VPS33B: variants seen among roughly 807,000 people sequenced by gnomAD.
VPS33B encodes VPS33B late endosome and lysosome associated, also known as vacuolar protein sorting-associated protein 33B.
In VPS33B, 80 loss-of-function variants were observed where a neutral mutation model predicts 95.3. That is an observed-to-expected ratio of 0.84 (90% CI 0.70 to 1.01). The LOEUF is 1.01. Ranked by LOEUF, VPS33B falls within the 50% of genes least tolerant of loss-of-function variation. VPS33B has a pLI of 0.00. For synonymous variants in VPS33B, 280 were observed against 280.4 expected (o/e 1.00, Z 0.01); for missense variants, 715 against 773.4 (o/e 0.92, Z 0.90).
At chr15:91,017,445 AAAAT>A (rs1258144124) in intron 2 of VPS33B, among the ~76,000 whole-genome samples, 2 of 136,614 alleles carry the variant, frequency 1.5e-5, no homozygotes, top group Middle Eastern at 3.6e-3. Context: ...CAGACTCAGA[AAAAT>A]AAATAATAAA....
At position 91,006,930 on chromosome 15, in the gene VPS33B, G is replaced by A; in HGVS notation, c.700+20C>T. 2 of 1,613,796 alleles carry A rather than the reference G, an allele frequency of 1.2e-6. No individual in the cohort carries two copies. The highest frequency in any genetic ancestry group is 1.7e-6 in the Non-Finnish European group (2 of 1,179,752). On this transcript the variant is annotated intron_variant, in intron 9 of 22. Coordinates refer to ENST00000333371, the MANE Select transcript of VPS33B (RefSeq NM_018668.5). This position sits in a 1 kb window ranked among gnomAD's most constrained non-coding sequence, Gnocchi z 5.4. ...GTCTTCTAGGGCTGAAAGATGACAG[G>A]AACGCTGGGCATAATTTACCTCTGT... is the stretch of plus-strand genomic sequence containing the variant.
intron 3 of VPS33B, 21 bp from the exon 4 acceptor site, chr15:91,014,454 A>C: frequency 6.2e-7 from 1 of 1,613,644 alleles, no homozygotes; most frequent in Middle Eastern, 1.6e-4. Context: ...GAAAGAAAAA[A>C]AAACAGTGAA....
chr15:91,013,994 G>C lies in VPS33B; in HGVS notation c.290-123C>G. 2 of 1,166,726 alleles carry C rather than the reference G, an allele frequency of 1.7e-6. No homozygotes were observed. Among genetic ancestry groups the C allele is most frequent in the Non-Finnish European group, 2.6e-6 (2 of 784,080 alleles). The allele number at this position is 1,166,726 out of a possible 1,614,324, so 72.3% of individuals were successfully genotyped here. On this transcript the variant is annotated intron_variant, in intron 4 of 22. Transcript: ENST00000333371. The surrounding 1 kb of genome is among the most constrained non-coding windows in gnomAD (Gnocchi z 4.5). ...AGCACTTGGGAGGCTGAGGCGGGTG[G>C]ATCACCTGAGGTCAGGAGTTTGCGA...
Position 91,022,290 on chromosome 15 carries a change from C to G in VPS33B, c.-41G>C. ...CGCCGCGGGGTGGAAGGACGCCCTT[C>G]GTTCTGAGAAGGCCGGCCGCAGCCC... On this transcript the variant is annotated 5_prime_UTR_variant, in exon 1 of 23. Coordinates refer to ENST00000333371, the MANE Select transcript of VPS33B (RefSeq NM_018668.5). The G allele has an allele frequency of 6.6e-7, 1 of 1,515,176 alleles. No individual in the cohort carries two copies. The highest frequency in any genetic ancestry group is 8.9e-7 in the Non-Finnish European group (1 of 1,123,096). The allele number at this position is 1,515,176 out of a possible 1,614,324, so 93.9% of individuals were successfully genotyped here. A position where few individuals can be genotyped will look rare whatever the true frequency, so the allele number is the denominator to read the frequency against.
intron 16 of VPS33B, among the ~76,000 whole-genome samples, chr15:91,004,005 C>T (rs912284582): frequency 6.6e-6 from 1 of 152,054 alleles, no homozygotes; most frequent in Admixed American, 6.6e-5. Context: ...AGGTGGATCA[C>T]CTGAGGTCAG....
chr15:91,013,679 C>G lies in VPS33B; in HGVS notation c.357+125G>C. On this transcript the variant is annotated intron_variant, in intron 5 of 22. Coordinates refer to ENST00000333371, the MANE Select transcript of VPS33B (RefSeq NM_018668.5). This position sits in a 1 kb window ranked among gnomAD's most constrained non-coding sequence, Gnocchi z 4.5. ...CTGTTCATTATAAATTACCTAGTCT[C>G]AGGTATTCTGTTACAGCAACAGAAA... is the stretch of plus-strand genomic sequence containing the variant. 2.1e-6 allele frequency: 2 copies of G among 973,688 alleles called. No homozygotes were observed. Among genetic ancestry groups the G allele is most frequent in the Non-Finnish European group, 3.3e-6 (2 of 606,238 alleles). 60.3% of individuals were successfully genotyped at this position (973,688 alleles called of 1,614,324 possible). A position where few individuals can be genotyped will look rare whatever the true frequency, so the allele number is the denominator to read the frequency against.
chr15:91,020,204 T>A (rs2041063926), intron 1 of VPS33B, among the ~76,000 whole-genome samples: 1 of 152,216 alleles, frequency 6.6e-6, no homozygotes, highest in Non-Finnish European at 1.5e-5. Flanking sequence ...TTACTTTCCT[T>A]AATCTTCTTA....
chr15:91,018,551 A>G lies in VPS33B; in HGVS notation c.97-666T>C, dbSNP rs1414557393. ...CATGGATGGATGAAGAGGACAGTCC[A>G]GCAAAGATCAGAAAGAGAGCATAGG... On this transcript the variant is annotated intron_variant, in intron 1 of 22. Transcript: ENST00000333371. The surrounding 1 kb of genome is among the most constrained non-coding windows in gnomAD (Gnocchi z 4.7). 1.3e-5 allele frequency among the ~76,000 whole-genome samples: 2 copies of G among 152,214 alleles called. No individual in the cohort carries two copies. The highest frequency in any genetic ancestry group is 4.8e-5 in the African/African-American group (2 of 41,454).
At chr15:91,021,348 G>C (rs1333781703) in intron 1 of VPS33B, among the ~76,000 whole-genome samples, 2 of 152,012 alleles carry the variant, frequency 1.3e-5, no homozygotes, top group Admixed American at 1.3e-4. Context: ...ACTCATTTTT[G>C]CTTCTCCTTC....
rs1474738455 is a variant in VPS33B, at chr15:91,001,476, C to G, written c.1406-14G>C. 3.7e-6 allele frequency: 6 copies of G among 1,612,916 alleles called. No individual in the cohort carries two copies. The highest frequency in any genetic ancestry group is 3.3e-5 in the South Asian group (3 of 91,056). Reference sequence around the variant, plus strand: ...CAGTAATCTTTCCTGGGGAAGAAATCTGTGTCAGGTTTCACCTAAGGTCTA... The same window carrying G: ...CAGTAATCTTTCCTGGGGAAGAAATGTGTGTCAGGTTTCACCTAAGGTCTA... On this transcript the variant is annotated splice_polypyrimidine_tract_variant and intron_variant, in intron 18 of 22. Coordinates refer to ENST00000333371, the MANE Select transcript of VPS33B (RefSeq NM_018668.5).
At position 90,999,560 on chromosome 15, in the gene VPS33B, C is replaced by G. The variant is rs2040372217; in HGVS notation, c.1774+117G>C. 9 of 1,061,776 alleles carry G rather than the reference C, an allele frequency of 8.5e-6. No individual in the cohort carries two copies. Among genetic ancestry groups the G allele is most frequent in the Admixed American group, 1.7e-5 (1 of 59,026 alleles). 65.8% of individuals were successfully genotyped at this position (1,061,776 alleles called of 1,614,324 possible). ...GCTCTAACTCCTGACCTCAGGTGAT[C>G]TGCCCGCCTCCGCCTCCCAAAGTGC... On this transcript the variant is annotated intron_variant, in intron 22 of 22. Transcript: ENST00000333371. This position sits in a 1 kb window ranked among gnomAD's most constrained non-coding sequence, Gnocchi z 5.1.
chr15:91,002,634 T>TA lies in VPS33B; in HGVS notation c.1272+450dup, dbSNP rs74516510. On this transcript the variant is annotated intron_variant, in intron 17 of 22. Coordinates refer to ENST00000333371, the MANE Select transcript of VPS33B (RefSeq NM_018668.5). The surrounding 1 kb of genome is among the most constrained non-coding windows in gnomAD (Gnocchi z 4.7). ...AACAGAGCGAGACATCGTCTCGAAATAAAAAAAAAAAAAAAAAGAAAAGAA... is the reference window on the plus strand; with the variant it reads ...AACAGAGCGAGACATCGTCTCGAAATAAAAAAAAAAAAAAAAAAGAAAAGAA... Among the ~76,000 whole-genome samples, 19,877 of 88,878 alleles carry TA rather than the reference T, an allele frequency of 0.22. 1,996 individuals carry two copies. The highest frequency in any genetic ancestry group is 0.5 in the East Asian group (2,021 of 4,024). 58.3% of individuals were successfully genotyped at this position (88,878 alleles called of 152,430 possible). A position where few individuals can be genotyped will look rare whatever the true frequency, so the allele number is the denominator to read the frequency against.
chr15:91,002,143 G>A lies in VPS33B; in HGVS notation c.1312C>T (p.Arg438Ter), dbSNP rs121434384. 13 of 1,614,078 alleles carry A rather than the reference G, an allele frequency of 8.1e-6. No homozygotes were observed. Among genetic ancestry groups the A allele is most frequent in the South Asian group, 3.3e-5 (3 of 91,092 alleles). The part of the protein sequence containing the change: ...PEHLLTFSNL[R>*]RAGLLTEQAP... ...TGCTCCGTTAGGAGCCCAGCTCTTC[G>A]CAGATTGGAGAAGGTTAGCAGGTGC... is the stretch of plus-strand genomic sequence containing the variant. The change falls in exon 18 of 23, where the codon CGA becomes TGA. Residue 438 changes from arginine (R) to a stop codon, truncating the protein, a stop_gained. Transcript: ENST00000333371. LOFTEE classifies it high-confidence loss of function. The surrounding 1 kb of genome is among the most constrained non-coding windows in gnomAD (Gnocchi z 4.7).
rs957705160 is a variant in VPS33B, at chr15:90,999,211, A to G, written c.1775-157T>C. Reference sequence around the variant, plus strand: ...ATGCTCTTGGGCACCACTGCTTTCTATGACTGGTATAACTGGGCTCCCTGC... The same window carrying G: ...ATGCTCTTGGGCACCACTGCTTTCTGTGACTGGTATAACTGGGCTCCCTGC... On this transcript the variant is annotated intron_variant, in intron 22 of 22. Coordinates refer to ENST00000333371, the MANE Select transcript of VPS33B (RefSeq NM_018668.5). This position sits in a 1 kb window ranked among gnomAD's most constrained non-coding sequence, Gnocchi z 5.1. 5.3e-5 allele frequency: 39 copies of G among 736,066 alleles called. No individual in the cohort carries two copies. Among genetic ancestry groups the G allele is most frequent in the Non-Finnish European group, 8.6e-5 (36 of 416,928 alleles). 45.6% of individuals were successfully genotyped at this position (736,066 alleles called of 1,614,324 possible).
At chr15:91,004,764 G>C (rs1417802231) in intron 16 of VPS33B, 113 bp downstream of exon 16, 1 of 1,259,908 alleles carries the variant, frequency 7.9e-7, no homozygotes, top group Non-Finnish European at 1.1e-6. Flanking sequence ...TTAAATTACA[G>C]GGAAACATTC....
At position 91,006,456 on chromosome 15, in the gene VPS33B, A is replaced by G. The variant is rs773803343; in HGVS notation, c.779-11T>C. 18 of 1,614,224 alleles carry G rather than the reference A, an allele frequency of 1.1e-5. No individual in the cohort carries two copies. The highest frequency in any genetic ancestry group is 1.1e-4 in the South Asian group (10 of 91,090). On this transcript the variant is annotated splice_polypyrimidine_tract_variant and intron_variant, in intron 10 of 22. Coordinates refer to ENST00000333371, the MANE Select transcript of VPS33B (RefSeq NM_018668.5). The surrounding 1 kb of genome is among the most constrained non-coding windows in gnomAD (Gnocchi z 5.4). ...CAAAGTCGACACTCCCTTTGAGAGC[A>G]GAGGGACAGCTATTAGGATCTCCAA...
Position 90,999,166 on chromosome 15 carries a change from T to C in VPS33B, c.1775-112A>G. ...CCCACGGGATCACAGCACCAGTTTA[T>C]AGACAGAGACGTGAGTGCCATGCTC... On this transcript the variant is annotated intron_variant, in intron 22 of 22. Transcript: ENST00000333371. The surrounding 1 kb of genome is among the most constrained non-coding windows in gnomAD (Gnocchi z 5.1). 1.0e-6 allele frequency: 1 copy of C among 975,114 alleles called. No individual in the cohort carries two copies. 60.4% of individuals were successfully genotyped at this position (975,114 alleles called of 1,614,324 possible).
rs757815222 is a variant in VPS33B, at chr15:91,005,357, C to T, written c.1105+23G>A. 27 of 1,614,144 alleles carry T rather than the reference C, an allele frequency of 1.7e-5. No individual in the cohort carries two copies. The highest frequency in any genetic ancestry group is 2.2e-5 in the Non-Finnish European group (26 of 1,180,020). On this transcript the variant is annotated intron_variant, in intron 14 of 22. Coordinates refer to ENST00000333371, the MANE Select transcript of VPS33B (RefSeq NM_018668.5). This position sits in a 1 kb window ranked among gnomAD's most constrained non-coding sequence, Gnocchi z 6.4. Reference sequence around the variant, plus strand: ...GGGGAAGTAGAAGCGTGGGCAGTAGCACAGCAAGGCTGCGGCAGTTACCAT... The same window carrying T: ...GGGGAAGTAGAAGCGTGGGCAGTAGTACAGCAAGGCTGCGGCAGTTACCAT...
At chr15:91,022,114 T>C (rs1478365025) in intron 1 of VPS33B, 40 bp downstream of exon 1, 1 of 1,547,196 alleles carries the variant, frequency 6.5e-7, no homozygotes, top group African/African-American at 1.4e-5. Flanking sequence ...CAATGAGTGC[T>C]AAACTGTAGA....
Sources: gnomAD v4.1 joint callset for allele counts (sites outside exome capture counted in the v4.1 genomes callset) on GRCh38, gnomAD v4.1.1 for gene constraint, Gnocchi (gnomAD v3.1) non-coding constraint, MANE v1.5 for transcripts, NCBI Gene and HGNC (gene_info 2026-07-23, HGNC 2026-07-21) for gene names.